Variants in SPOCK3 observed in about 807,000 individuals in gnomAD.
The protein encoded by SPOCK3 is testican-3.
In SPOCK3, 30 loss-of-function variants were observed where a neutral mutation model predicts 56.6. The ratio of observed to expected loss-of-function variants is 0.53; its 90% CI spans 0.40 to 0.72. The LOEUF (loss-of-function observed/expected upper bound fraction) is 0.72. Among genes scored for constraint, SPOCK3 ranks in the 30% least tolerant of loss-of-function variants. The pLI is 0.00. For missense variants in SPOCK3, 527 were observed against 530.0 expected, an observed-to-expected ratio of 0.99 and a Z score of 0.06; for synonymous variants, 196 against 183.3, an observed-to-expected ratio of 1.07 and a Z score of -0.56.
intron 7 of SPOCK3, among the ~76,000 whole-genome samples, chr4:166,782,842 T>A (rs199913925): frequency 6.6e-6 from 1 of 152,100 alleles, no homozygotes; most frequent in East Asian, 1.9e-4. Flanking sequence ...AATATACAAA[T>A]CAGTATTTTT....
At chr4:166,803,404 C>T (rs1449460113) in intron 6 of SPOCK3, among the ~76,000 whole-genome samples, 1 of 152,068 alleles carries the variant, frequency 6.6e-6, no homozygotes, top group African/African-American at 2.4e-5. Flanking sequence ...TCCGAGCAGG[C>T]ATTTGGGCAG....
intron 2 of SPOCK3, among the ~76,000 whole-genome samples, chr4:167,224,930 G>A (rs1220060986): frequency 1.3e-5 from 2 of 152,144 alleles, no homozygotes; most frequent in Non-Finnish European, 2.9e-5. Flanking sequence ...CTCCCAAAGT[G>A]CTGGGATTAC....
chr4:166,745,964 C>A (rs929197415), intron 8 of SPOCK3, among the ~76,000 whole-genome samples: 9 of 152,160 alleles, frequency 5.9e-5, no homozygotes, highest in African/African-American at 1.9e-4. Context: ...GAACTCAATA[C>A]AGGAGCACCC....
chr4:166,765,372 A>G (rs1182356123), intron 7 of SPOCK3, among the ~76,000 whole-genome samples: 1 of 152,220 alleles, frequency 6.6e-6, no homozygotes, highest in Non-Finnish European at 1.5e-5. Flanking sequence ...TATAAGACAT[A>G]AGGAAGGGAT....
At chr4:166,741,647 T>C (rs1734854084) in intron 9 of SPOCK3, among the ~76,000 whole-genome samples, 1 of 152,188 alleles carries the variant, frequency 6.6e-6, no homozygotes, top group Non-Finnish European at 1.5e-5. Context: ...CTACATGCTT[T>C]AAATAGCACA....
chr4:167,229,731 A>C (rs1051211185), intron 2 of SPOCK3, among the ~76,000 whole-genome samples: 1 of 152,138 alleles, frequency 6.6e-6, no homozygotes, highest in Non-Finnish European at 1.5e-5. Flanking sequence ...GTCAGCCTGT[A>C]TTTTACATTT....
intron 7 of SPOCK3, among the ~76,000 whole-genome samples, chr4:166,770,309 TA>T (rs565459982): frequency 8.4e-4 from 128 of 152,298 alleles, no homozygotes; most frequent in African/African-American, 2.9e-3. Context: ...GAGCTGTTCC[TA>T]TTCGACCATC....
intron 2 of SPOCK3, among the ~76,000 whole-genome samples, chr4:167,228,852 A>G (rs1302881055): frequency 1.3e-5 from 2 of 152,122 alleles, no homozygotes; most frequent in East Asian, 3.9e-4. Flanking sequence ...AACAATATGA[A>G]TAATAGTCCA....
intron 2 of SPOCK3, among the ~76,000 whole-genome samples, chr4:167,075,860 C>T (rs1757134492): frequency 6.6e-6 from 1 of 151,912 alleles, no homozygotes; most frequent in Non-Finnish European, 1.5e-5. Flanking sequence ...GTTCTTCTCT[C>T]TTACATTAAT....
chr4:167,034,410 T>C (rs1752547027), intron 3 of SPOCK3, among the ~76,000 whole-genome samples: 1 of 151,984 alleles, frequency 6.6e-6, no homozygotes, highest in Non-Finnish European at 1.5e-5. Flanking sequence ...CGTCCCGGTA[T>C]TTTTCAGTAT....
At chr4:166,942,742 G>A (rs756012572) in intron 4 of SPOCK3, among the ~76,000 whole-genome samples, 1 of 152,106 alleles carries the variant, frequency 6.6e-6, no homozygotes, top group Non-Finnish European at 1.5e-5. Context: ...AGTATCACAG[G>A]TGTTGATATT....
At chr4:166,738,914 G>A (rs1218968170) in intron 9 of SPOCK3, among the ~76,000 whole-genome samples, 1 of 151,898 alleles carries the variant, frequency 6.6e-6, no homozygotes, top group Admixed American at 6.6e-5. Context: ...ATTGTAAATA[G>A]TGCCACAATA....
intron 10 of SPOCK3, among the ~76,000 whole-genome samples, chr4:166,735,428 G>T (rs1171767305): frequency 2.6e-5 from 4 of 151,996 alleles, no homozygotes; most frequent in Non-Finnish European, 5.9e-5. Context: ...AAGTGTGGCA[G>T]AAAAATTGCC....
chr4:166,865,494 C>G (rs1294507400), intron 6 of SPOCK3, among the ~76,000 whole-genome samples: 1 of 152,168 alleles, frequency 6.6e-6, no homozygotes, highest in Non-Finnish European at 1.5e-5. Flanking sequence ...CAAAGTGTCT[C>G]TGTTTGCAGA....
At chr4:167,012,688 T>C (rs76233698) in intron 3 of SPOCK3, among the ~76,000 whole-genome samples, 2,509 of 152,088 alleles carry the variant, frequency 0.016, 61 homozygotes, top group African/African-American at 0.056. Context: ...CTTTCATTTG[T>C]TAAAATGTTT....
intron 2 of SPOCK3, among the ~76,000 whole-genome samples, chr4:167,077,360 G>GA (rs1283084423): frequency 2.0e-5 from 3 of 150,834 alleles, no homozygotes; most frequent in African/African-American, 4.9e-5. Flanking sequence ...ACCCATAACA[G>GA]AAAAAAAAGC....
rs1446671235 is a variant in SPOCK3, at chr4:167,116,909, G to GTATATATATATATATATATATATA, written c.190-54373_190-54372insTATATATATATATATATATATATA. On this transcript the variant is annotated intron_variant, in intron 2 of 10. Coordinates refer to ENST00000357545, the MANE Select transcript of SPOCK3 (RefSeq NM_001040159.2). ...TATACATATATACTTTTGTGTGTGT[G>GTATATATATATATATATATATATA]TGTGTATATATATATATATATATAC... Among the ~76,000 whole-genome samples the GTATATATATATATATATATATATA allele has an allele frequency of 5.4e-4, 67 of 123,474 alleles. 1 individual carries two copies. The highest frequency in any genetic ancestry group is 8.8e-4 in the Non-Finnish European group (50 of 56,682). 81.0% of individuals were successfully genotyped at this position (123,474 alleles called of 152,430 possible). A position where few individuals can be genotyped will look rare whatever the true frequency, so the allele number is the denominator to read the frequency against.
intron 2 of SPOCK3, among the ~76,000 whole-genome samples, chr4:167,105,454 C>A (rs1332776117): frequency 1.9e-4 from 14 of 74,492 alleles, no homozygotes; most frequent in Non-Finnish European, 2.7e-4. Flanking sequence ...ACAACAAATA[C>A]ACAAAAATTA....
intron 2 of SPOCK3, 116 bp from the exon 3 acceptor site, chr4:167,062,653 G>A (rs1390283985): frequency 7.5e-6 from 5 of 664,112 alleles, no homozygotes; most frequent in South Asian, 2.0e-5. Flanking sequence ...TCTACTTCCT[G>A]CAATGGCAAG....
Sources: gnomAD v4.1 joint callset for allele counts (sites outside exome capture counted in the v4.1 genomes callset) on GRCh38, gnomAD v4.1.1 for gene constraint, MANE v1.5 for transcripts, NCBI Gene and HGNC (gene_info 2026-07-23, HGNC 2026-07-21) for gene names.